The following TRAPPC12 variants were observed in gnomAD, a reference collection of about 807,000 sequenced individuals.
TRAPPC12 encodes trafficking protein particle complex subunit 12, also known as TPR repeat protein 15.
In TRAPPC12, 61 loss-of-function variants were observed where a neutral mutation model predicts 69.2. That is an observed-to-expected ratio of 0.88 (90% CI 0.72 to 1.09). TRAPPC12 has a LOEUF of 1.09. Ranked by LOEUF, TRAPPC12 falls within the 50% of genes least tolerant of loss-of-function variation. The pLI is 0.00. For synonymous variants in TRAPPC12, 469 were observed against 438.9 expected (o/e 1.07, Z -0.86); for missense variants, 1,101 against 1,016.4 (o/e 1.08, Z -1.13).
intron 3 of TRAPPC12, among the ~76,000 whole-genome samples, chr2:3,420,162 G>A (rs959031296): frequency 6.6e-6 from 1 of 152,156 alleles, no homozygotes; most frequent in Non-Finnish European, 1.5e-5. Context: ...CACTGGTAAT[G>A]TGGACAGTAG....
At chr2:3,436,956 C>A (rs1663833617) in intron 5 of TRAPPC12, among the ~76,000 whole-genome samples, 1 of 132,936 alleles carries the variant, frequency 7.5e-6, no homozygotes, top group Non-Finnish European at 1.6e-5. Context: ...CCCCAATCAC[C>A]CCTGGATTAA....
intron 6 of TRAPPC12, among the ~76,000 whole-genome samples, chr2:3,453,598 C>T (rs1328825974): frequency 6.6e-6 from 1 of 152,342 alleles, no homozygotes; most frequent in Non-Finnish European, 1.5e-5. Context: ...AGAGCCTCTT[C>T]CCAAACGAAC....
intron 5 of TRAPPC12, among the ~76,000 whole-genome samples, chr2:3,425,960 G>A (rs1663077841): frequency 6.6e-6 from 1 of 152,138 alleles, no homozygotes; most frequent in African/African-American, 2.4e-5. Context: ...ACTCAGCTCT[G>A]TTTCTTTGGA....
Position 3,478,925 on chromosome 2 carries a change from A to C in TRAPPC12, c.1957A>C (p.Asn653His). The part of the protein sequence containing the change: ...FTEILRMDPR[N>H]AVANNNAAVC... Reference sequence around the variant, plus strand: ...AGAGATCTTAAGGATGGATCCAAGAAACGCAGTGGTAAGATCCCCAAGCTG... The same window carrying C: ...AGAGATCTTAAGGATGGATCCAAGACACGCAGTGGTAAGATCCCCAAGCTG... Residue 653 changes from asparagine to histidine, a missense_variant, in exon 11 of 12, where the codon AAC becomes CAC. Coordinates refer to ENST00000324266, the MANE Select transcript of TRAPPC12 (RefSeq NM_016030.6). 1.9e-6 allele frequency: 3 copies of C among 1,614,106 alleles called. No individual in the cohort carries two copies. The highest frequency in any genetic ancestry group is 2.5e-6 in the Non-Finnish European group (3 of 1,179,992).
intron 6 of TRAPPC12, among the ~76,000 whole-genome samples, chr2:3,447,933 G>C (rs6747916): frequency 0.64 from 97,010 of 151,956 alleles, 31,386 homozygotes; most frequent in African/African-American, 0.75. Context: ...GAGACCTCTC[G>C]GTCCGTGGAC....
Position 3,479,402 on chromosome 2 carries a change from G to C in TRAPPC12, c.2149G>C (p.Glu717Gln). The stretch of plus-strand genomic sequence containing the variant: ...CATGCAGAAGAAACAGGCCCTGCTG[G>C]AGGCTGTCGCCGGCAAGGAGGGGGA... ...RSMQKKQALL[E>Q]AVAGKEGDSF... The change falls in exon 12 of 12, where the codon GAG (glutamate) becomes CAG (glutamine). Residue 717 changes from glutamate to glutamine, a missense_variant. Glu to Gln is a conservative substitution (Grantham distance 29, BLOSUM62 2). Coordinates refer to ENST00000324266, the MANE Select transcript of TRAPPC12 (RefSeq NM_016030.6). 6.2e-7 allele frequency: 1 copy of C among 1,614,146 alleles called. No individual in the cohort carries two copies. Among genetic ancestry groups the C allele is most frequent in the Non-Finnish European group, 8.5e-7 (1 of 1,180,046 alleles).
intron 3 of TRAPPC12, among the ~76,000 whole-genome samples, chr2:3,420,107 A>C (rs1341337089): frequency 6.6e-6 from 1 of 152,196 alleles, no homozygotes; most frequent in African/African-American, 2.4e-5. Flanking sequence ...GTTGCCAAAA[A>C]CTAGAGGCAA....
At chr2:3,412,153 C>A (rs1183905794) in intron 3 of TRAPPC12, among the ~76,000 whole-genome samples, 4 of 152,162 alleles carry the variant, frequency 2.6e-5, no homozygotes, top group Admixed American at 2.6e-4. Flanking sequence ...TAAAGAAATG[C>A]TTTTAGAAAT....
At position 3,479,410 on chromosome 2, in the gene TRAPPC12, C is replaced by G. The variant is rs13986; in HGVS notation, c.2157C>G (p.Val719=). The change falls in exon 12 of 12, where the codon GTC becomes GTG. Residue 719 remains valine (V), a synonymous_variant. Transcript: ENST00000324266. ...MQKKQALLEA[V]AGKEGDSFNT... Reference sequence around the variant, plus strand: ...AGAAACAGGCCCTGCTGGAGGCTGTCGCCGGCAAGGAGGGGGACAGCTTCA... The same window carrying G: ...AGAAACAGGCCCTGCTGGAGGCTGTGGCCGGCAAGGAGGGGGACAGCTTCA... 2 of 1,614,016 alleles carry G rather than the reference C, an allele frequency of 1.2e-6. No homozygotes were observed. The highest frequency in any genetic ancestry group is 1.7e-6 in the Non-Finnish European group (2 of 1,180,038).
Position 3,479,306 on chromosome 2 carries a change from C to T in TRAPPC12, c.2053C>T (p.Pro685Ser). ...RQLEAMVQQD[P>S]RHYLHESVLF... ...GCTGGAGGCCATGGTCCAGCAGGAC[C>T]CCAGGCACTACCTGCACGAGAGCGT... is the stretch of plus-strand genomic sequence containing the variant. The change falls in exon 12 of 12, where the codon CCC becomes TCC. Residue 685 changes from proline to serine, a missense_variant. Coordinates refer to ENST00000324266, the MANE Select transcript of TRAPPC12 (RefSeq NM_016030.6). 6.2e-7 allele frequency: 1 copy of T among 1,614,196 alleles called. No individual in the cohort carries two copies. The highest frequency in any genetic ancestry group is 8.5e-7 in the Non-Finnish European group (1 of 1,180,040).
chr2:3,398,581 G>A (rs575921405), intron 2 of TRAPPC12, among the ~76,000 whole-genome samples: 1 of 152,316 alleles, frequency 6.6e-6, no homozygotes, highest in East Asian at 1.9e-4. Flanking sequence ...GTGTCTTTGG[G>A]CTTCCCAGAC....
At chr2:3,434,475 T>C (rs561635684) in intron 5 of TRAPPC12, among the ~76,000 whole-genome samples, 2 of 152,376 alleles carry the variant, frequency 1.3e-5, no homozygotes, top group African/African-American at 4.8e-5. Context: ...TTTTCAATGA[T>C]ACAAGTCAAG....
At chr2:3,430,653 T>C (rs1370036642) in intron 5 of TRAPPC12, among the ~76,000 whole-genome samples, 1 of 152,268 alleles carries the variant, frequency 6.6e-6, no homozygotes, top group African/African-American at 2.4e-5. Flanking sequence ...GAAAAAATAA[T>C]TCTAGTTTAA....
intron 1 of TRAPPC12, among the ~76,000 whole-genome samples, chr2:3,382,356 AT>A: frequency 6.6e-6 from 1 of 152,008 alleles, no homozygotes. Context: ...TATGGTCTTG[AT>A]CTCCTGACCT....
In TRAPPC12 at chr2:3,410,321, G is replaced by C. The variant is rs115905384; in HGVS notation, c.1164+8428G>C. On this transcript the variant is annotated intron_variant, in intron 3 of 11. Coordinates refer to ENST00000324266, the MANE Select transcript of TRAPPC12 (RefSeq NM_016030.6). Reference sequence around the variant, plus strand: ...CATTTCTGCTTTCTATTTTCAGTCAGGAAAGAAGCCACTTTTTAAAAGATT... The same window carrying C: ...CATTTCTGCTTTCTATTTTCAGTCACGAAAGAAGCCACTTTTTAAAAGATT... Among the ~76,000 whole-genome samples the C allele has an allele frequency of 3.9e-3, 587 of 152,056 alleles. 4 individuals carry two copies. The highest frequency in any genetic ancestry group is 0.012 in the African/African-American group (505 of 41,472).
At chr2:3,475,855 C>T (rs1270219931) in intron 9 of TRAPPC12, among the ~76,000 whole-genome samples, 1 of 152,306 alleles carries the variant, frequency 6.6e-6, no homozygotes, top group East Asian at 1.9e-4. Flanking sequence ...CAGGCTGTCG[C>T]GAGGGTCAGG....
intron 2 of TRAPPC12, among the ~76,000 whole-genome samples, chr2:3,393,893 A>G (rs571529039): frequency 7.2e-4 from 109 of 152,290 alleles, no homozygotes; most frequent in Non-Finnish European, 1.4e-3. Flanking sequence ...AACCTAAGGG[A>G]ATTCATTGAA....
At chr2:3,383,871 G>GTTTGTTTTTTTTTTT in intron 1 of TRAPPC12, among the ~76,000 whole-genome samples, 1 of 85,592 alleles carries the variant, frequency 1.2e-5, no homozygotes, top group Non-Finnish European at 2.3e-5. Flanking sequence ...GTTCAGTCTT[G>GTTTGTTTTTTTTTTT]TTTTTTTTTT....
intron 5 of TRAPPC12, among the ~76,000 whole-genome samples, chr2:3,430,927 G>A (rs76898759): frequency 6.6e-6 from 1 of 152,056 alleles, no homozygotes. Context: ...ACTGGGTGTG[G>A]AGGAGCTCTG....
Sources: gnomAD v4.1 joint callset for allele counts (sites outside exome capture counted in the v4.1 genomes callset) on GRCh38, gnomAD v4.1.1 for gene constraint, MANE v1.5 for transcripts, NCBI Gene and HGNC (gene_info 2026-07-23, HGNC 2026-07-21) for gene names.